Variants in C1orf94 observed in about 807,000 individuals in gnomAD.
The protein encoded by C1orf94 is uncharacterized protein C1orf94.
Under a neutral mutation model 53.6 loss-of-function variants are expected in C1orf94, and 45 were observed. That is an observed-to-expected ratio of 0.84 (90% CI 0.66 to 1.08). The LOEUF (loss-of-function observed/expected upper bound fraction) is 1.08, where lower values mean the gene tolerates loss of function less well. C1orf94 is among the 50% of genes least tolerant of loss of function. The pLI is 0.00. For synonymous variants in C1orf94, 304 were observed against 296.1 expected (o/e 1.03, Z -0.27); for missense variants, 762 against 738.9 (o/e 1.03, Z -0.36).
chr1:34,178,754 G>T (rs1642268855), intron 1 of C1orf94, among the ~76,000 whole-genome samples: 1 of 151,012 alleles, frequency 6.6e-6, no homozygotes, highest in Non-Finnish European at 1.5e-5. Flanking sequence ...GGCAGATATT[G>T]TTGAGGATGG....
In C1orf94 at chr1:34,218,822, T is replaced by C; in HGVS notation, c.*61T>C. ...GATCAGGACTAGGGGCTCTGATTTTTGGATTCTGCAAAAGCTTGGTATGAA... is the reference window on the plus strand; with the variant it reads ...GATCAGGACTAGGGGCTCTGATTTTCGGATTCTGCAAAAGCTTGGTATGAA... On this transcript the variant is annotated 3_prime_UTR_variant, in exon 7 of 7. Transcript: ENST00000488417. The C allele has an allele frequency of 6.9e-7, 1 of 1,442,990 alleles. No homozygotes were observed. The highest frequency in any genetic ancestry group is 9.4e-7 in the Non-Finnish European group (1 of 1,058,530). 89.4% of individuals were successfully genotyped at this position (1,442,990 alleles called of 1,614,324 possible).
chr1:34,169,708 G>T (rs1253579258), intron 1 of C1orf94, among the ~76,000 whole-genome samples: 1 of 152,004 alleles, frequency 6.6e-6, no homozygotes, highest in African/African-American at 2.4e-5. Context: ...TGCAGAGAAG[G>T]GCTACAGGAC....
chr1:34,197,740 G>C lies in C1orf94; in HGVS notation c.836G>C (p.Gly279Ala). Residue 279 changes from glycine to alanine, a missense_variant, in exon 2 of 7, where the codon GGA becomes GCA. Physicochemically the swap from Gly to Ala is moderately conservative, Grantham distance 60. Transcript: ENST00000488417. The surrounding 1 kb of genome is among the most constrained non-coding windows in gnomAD (Gnocchi z 4.1). ...FLQDNLFSGP[G>A]PKEPTGLSPF... ...CAGGACAACCTGTTCAGTGGCCCTG[G>C]ACCCAAGGAGCCCACAGGGCTGAGC... 6.2e-7 allele frequency: 1 copy of C among 1,614,120 alleles called. No individual in the cohort carries two copies. The highest frequency in any genetic ancestry group is 8.5e-7 in the Non-Finnish European group (1 of 1,180,018).
intron 1 of C1orf94, among the ~76,000 whole-genome samples, chr1:34,171,786 T>C (rs1447701438): frequency 1.3e-5 from 2 of 152,236 alleles, no homozygotes; most frequent in Non-Finnish European, 2.9e-5. Context: ...GATGTGTATT[T>C]TCTGCTGTCA....
chr1:34,167,673 G>A (rs1272204784), intron 1 of C1orf94, among the ~76,000 whole-genome samples: 1 of 152,184 alleles, frequency 6.6e-6, no homozygotes, highest in Non-Finnish European at 1.5e-5. Flanking sequence ...TGCACAGTGT[G>A]TGGTCCTGCT....
In C1orf94 at chr1:34,195,715, G is replaced by A. The variant is rs140243438; in HGVS notation, c.321-1510G>A. Among the ~76,000 whole-genome samples the A allele has an allele frequency of 2.8e-4, 43 of 152,176 alleles. 1 individual carries two copies. Among genetic ancestry groups the A allele is most frequent in the Non-Finnish European group, 5.3e-4 (36 of 68,016 alleles). Reference sequence around the variant, plus strand: ...ATTCTGATTGACTGTTAAATGCAGTGACTACTCCCCTGGGTCTGTGTATGG... The same window carrying A: ...ATTCTGATTGACTGTTAAATGCAGTAACTACTCCCCTGGGTCTGTGTATGG... On this transcript the variant is annotated intron_variant, in intron 1 of 6. Transcript: ENST00000488417.
intron 3 of C1orf94, among the ~76,000 whole-genome samples, chr1:34,201,835 A>G (rs531818243): frequency 1.3e-5 from 2 of 151,972 alleles, no homozygotes; most frequent in Non-Finnish European, 2.9e-5. Context: ...CTTCTTTACT[A>G]GTGAATGATG....
At chr1:34,200,720 A>G in intron 2 of C1orf94, 52 bp from the exon 3 acceptor site, 1 of 1,606,878 alleles carries the variant, frequency 6.2e-7, no homozygotes, top group Non-Finnish European at 8.5e-7. Flanking sequence ...TGCTTCCAGC[A>G]TCCAGCACTT....
In C1orf94 at chr1:34,197,092, G is replaced by C. The variant is rs145353992; in HGVS notation, c.321-133G>C. On this transcript the variant is annotated intron_variant, in intron 1 of 6. Transcript: ENST00000488417. The surrounding 1 kb of genome is among the most constrained non-coding windows in gnomAD (Gnocchi z 4.1). ...CTCTGGGGGTCCAGTGTGTCTGCTG[G>C]GTTATCTTGCCTGGAAGTGTGTTTT... 2 of 794,810 alleles carry C rather than the reference G, an allele frequency of 2.5e-6. No individual in the cohort carries two copies. Among genetic ancestry groups the C allele is most frequent in the East Asian group, 5.4e-5 (2 of 37,052 alleles). 49.2% of individuals were successfully genotyped at this position (794,810 alleles called of 1,614,324 possible). A position where few individuals can be genotyped will look rare whatever the true frequency, so the allele number is the denominator to read the frequency against.
intron 1 of C1orf94, among the ~76,000 whole-genome samples, chr1:34,178,981 G>A (rs946140661): frequency 1.3e-5 from 2 of 152,236 alleles, no homozygotes; most frequent in Non-Finnish European, 2.9e-5. Flanking sequence ...ATAATTAAGA[G>A]CTAATTAAAG....
intron 4 of C1orf94, among the ~76,000 whole-genome samples, chr1:34,203,606 G>A (rs77808715): frequency 1.8e-3 from 268 of 152,260 alleles, no homozygotes; most frequent in African/African-American, 6.2e-3. Flanking sequence ...ACTACACCAA[G>A]CAGTCTTAGC....
upstream of C1orf94, among the ~76,000 whole-genome samples, chr1:34,176,034 G>A (rs1387631849): frequency 6.6e-6 from 1 of 152,098 alleles, no homozygotes; most frequent in Non-Finnish European, 1.5e-5. Context: ...CTCCTCGCTA[G>A]TATACAGGCT....
chr1:34,213,269 A>C (rs1312361165), intron 6 of C1orf94, among the ~76,000 whole-genome samples: 1 of 152,120 alleles, frequency 6.6e-6, no homozygotes, highest in African/African-American at 2.4e-5. Flanking sequence ...CCCATCACAG[A>C]ACCTTCCCTG....
intron 1 of C1orf94, among the ~76,000 whole-genome samples, chr1:34,190,523 A>T (rs1214401677): frequency 2.6e-5 from 4 of 152,148 alleles, no homozygotes; most frequent in Non-Finnish European, 5.9e-5. Flanking sequence ...TCTTCCTTGC[A>T]TTCGTTACCT....
At chr1:34,182,689 G>A (rs1046366334) in intron 1 of C1orf94, among the ~76,000 whole-genome samples, 2 of 152,152 alleles carry the variant, frequency 1.3e-5, no homozygotes, top group Admixed American at 6.6e-5. Context: ...TCTGCTTCAC[G>A]CACGAGTTCA....
At chr1:34,214,030 G>T (rs1405374025) in intron 6 of C1orf94, among the ~76,000 whole-genome samples, 1 of 152,176 alleles carries the variant, frequency 6.6e-6, no homozygotes, top group East Asian at 1.9e-4. Context: ...GCCTGCAGGG[G>T]ACCTATAGAT....
In C1orf94 at chr1:34,212,365, GGCAGGAGATGGACC is replaced by G. The variant is rs1642906919; in HGVS notation, c.1685_1698del (p.Gly562ValfsTer43). The G allele has an allele frequency of 6.2e-7, 1 of 1,612,640 alleles. No homozygotes were observed. The highest frequency in any genetic ancestry group is 8.5e-7 in the Non-Finnish European group (1 of 1,179,538). On this transcript the variant is annotated frameshift_variant, in exon 6 of 7. Coordinates refer to ENST00000488417, the MANE Select transcript of C1orf94 (RefSeq NM_001134734.2). LOFTEE classifies it high-confidence loss of function. ...CCAACCCCCGAGACCCTCCCCTAAT[GGCAGGAGATGGACC>G]GCAGTACCTCTTTCCCCAAGGATAT...
At chr1:34,188,047 G>A (rs528857779) in intron 1 of C1orf94, among the ~76,000 whole-genome samples, 80 of 152,088 alleles carry the variant, frequency 5.3e-4, no homozygotes, top group African/African-American at 1.1e-3. Flanking sequence ...TGGGGAAAAC[G>A]GGGATGCCAC....
rs115135489 is a variant in C1orf94, at chr1:34,214,823, G to C, written c.1721+2417G>C. Among the ~76,000 whole-genome samples the C allele has an allele frequency of 3.4e-3, 522 of 152,298 alleles. 8 individuals are homozygous for C. The highest frequency in any genetic ancestry group is 0.012 in the African/African-American group (502 of 41,554). On this transcript the variant is annotated intron_variant, in intron 6 of 6. Coordinates refer to ENST00000488417, the MANE Select transcript of C1orf94 (RefSeq NM_001134734.2). ...AGAGACAGTGGAGGCAAAGAGGAGGGTGAGGAGAAGGAGCAGGGTGGATTG... is the reference window on the plus strand; with the variant it reads ...AGAGACAGTGGAGGCAAAGAGGAGGCTGAGGAGAAGGAGCAGGGTGGATTG...
Sources: allele counts gnomAD v4.1 joint callset (sites outside exome capture counted in the v4.1 genomes callset), GRCh38; gene constraint gnomAD v4.1.1; non-coding constraint Gnocchi (gnomAD v3.1); transcripts MANE v1.5; gene names NCBI Gene and HGNC (gene_info 2026-07-23, HGNC 2026-07-21).